Variants in IL32 observed in about 807,000 individuals in gnomAD.
IL32 encodes interleukin 32.
IL32 carries 30 observed loss-of-function variants against 16.6 expected under a neutral mutation model. The observed-to-expected ratio is 1.81, with a 90% CI of 1.35 to 2.45. The LOEUF (loss-of-function observed/expected upper bound fraction) is 2.45, where lower values mean the gene tolerates loss of function less well. IL32 is among the 30% of genes most tolerant of loss of function. The pLI, the probability that IL32 is intolerant of heterozygous loss-of-function variation, is 0.00. For missense variants in IL32, 234 were observed against 229.8 expected (o/e 1.02, Z -0.12); for synonymous variants, 70 against 86.1 (o/e 0.81, Z 1.03).
intron 2 of IL32, 100 bp from the exon 3 acceptor site, chr16:3,067,277 G>GTGTGTGTGTGTGTGTGTC (rs1555442500): frequency 3.5e-6 from 1 of 282,602 alleles, no homozygotes; most frequent in Non-Finnish European, 6.3e-6. Context: ...GTCTCTGTGT[G>GTGTGTGTGTGTGTGTGTC]TGTGTGTGTG....
At chr16:3,067,931 T>G (rs368641673) in intron 4 of IL32, 53 bp from the exon 5 acceptor site, 5 of 1,601,574 alleles carry the variant, frequency 3.1e-6, no homozygotes, top group African/African-American at 1.3e-5. Context: ...GACTGACTGA[T>G]GTGGGGTGCA....
chr16:3,068,369 G>C (rs1202637236), intron 6 of IL32, 130 bp downstream of exon 6: 4 of 838,494 alleles, frequency 4.8e-6, no homozygotes, highest in Non-Finnish European at 7.6e-6. Context: ...GCAGTGGCAT[G>C]ATCTTGGCTC....
In IL32 at chr16:3,067,335, A is replaced by T. The variant is rs75809617; in HGVS notation, c.16-42A>T. On this transcript the variant is annotated intron_variant, in intron 2 of 6. Coordinates refer to ENST00000525643, the MANE Select transcript of IL32 (RefSeq NM_001376923.1). ...TATAAATTATCCTGGAGGAAAGGTT[A>T]AGGTGACACATGGAGACTGAGTGTC... 0.01 allele frequency: 11,824 copies of T among 1,157,678 alleles called. 840 individuals are homozygous for T. In the African/African-American group the frequency reaches 0.16, roughly 16 times the overall value. 71.7% of individuals were successfully genotyped at this position (1,157,678 alleles called of 1,614,324 possible).
chr16:3,068,015 GC>G lies in IL32; in HGVS notation c.141+7del. On this transcript the variant is annotated splice_donor_region_variant and intron_variant, in intron 5 of 6. Coordinates refer to ENST00000525643, the MANE Select transcript of IL32 (RefSeq NM_001376923.1). ...TCGAGCCTGGCAGAGCTGGAGGTGA[GC>G]CGTGGCCTCCCCCTCCACCAAGCTT... is the stretch of plus-strand genomic sequence containing the variant. 1.9e-6 allele frequency: 3 copies of G among 1,614,024 alleles called. No homozygotes were observed. Among genetic ancestry groups the G allele is most frequent in the Non-Finnish European group, 2.5e-6 (3 of 1,179,908 alleles).
intron 6 of IL32, 162 bp downstream of exon 6, chr16:3,068,401 G>C (rs1347132580): frequency 1.5e-6 from 1 of 659,764 alleles, no homozygotes. Flanking sequence ...CAAATCTCGG[G>C]TTTAAGTGAT....
intron 6 of IL32, chr16:3,068,596 C>A (rs1181781014): frequency 2.7e-5 from 11 of 408,236 alleles, no homozygotes; most frequent in Admixed American, 1.5e-4. Context: ...CAGGCATGAG[C>A]CACCGGGCCC....
chr16:3,065,715 G>A (rs1173182479), intron 1 of IL32, 28 bp downstream of exon 1: 2 of 1,433,060 alleles, frequency 1.4e-6, no homozygotes, highest in Admixed American at 1.7e-5. Flanking sequence ...CCGAAGGTGA[G>A]GACCCTCTGG....
chr16:3,067,880 A>C (rs1596256173), intron 4 of IL32, 104 bp from the exon 5 acceptor site: 2 of 1,375,346 alleles, frequency 1.5e-6, no homozygotes, highest in Admixed American at 1.7e-5. Flanking sequence ...GGCTGGGCCC[A>C]GTTCGGGGTG....
rs138083601 is a variant in IL32, at chr16:3,069,190, G to A, written c.402G>A (p.Val134=). The change falls in exon 7 of 7, where the codon GTG becomes GTA. Residue 134 remains valine, a synonymous_variant. Transcript: ENST00000525643. ...HGVLAWVKEK[V]VALVHAVQAL... ...TTCTGGCCTGGGTGAAGGAGAAGGT[G>A]GTGGCCCTGGTCCATGCAGTGCAGG... 2.8e-4 allele frequency: 452 copies of A among 1,613,922 alleles called. No individual in the cohort carries two copies. Among genetic ancestry groups the A allele is most frequent in the Non-Finnish European group, 3.5e-4 (413 of 1,179,976 alleles).
rs746682981 is a variant in IL32 at position 3,067,390 on chromosome 16, A to C, written c.29A>C (p.Asp10Ala). 2.0e-5 allele frequency: 31 copies of C among 1,555,696 alleles called. No individual in the cohort carries two copies. In the South Asian group the frequency reaches 3.2e-4, roughly 16 times the overall value. Residue 10 changes from aspartate to alanine, a missense_variant, in exon 3 of 7, where the codon GAC (aspartate) becomes GCC (alanine). Coordinates refer to ENST00000525643, the MANE Select transcript of IL32 (RefSeq NM_001376923.1). MCFPKVLSD[D>A]MKKLKARMHQ... ...TTATTTCCGCAGGTCCTCTCTGATG[A>C]CATGAAGAAGCTGAAGGCCCGAATG...
At chr16:3,068,790 CT>C in intron 6 of IL32, 199 bp from the exon 7 acceptor site, 5 of 809,810 alleles carry the variant, frequency 6.2e-6, no homozygotes, top group Non-Finnish European at 9.6e-6. Context: ...CACACCCATC[CT>C]GTCACTGCCA....
chr16:3,069,296 C>T lies in IL32; in HGVS notation c.508C>T (p.Arg170Trp), dbSNP rs748058182. The change falls in exon 7 of 7, where the codon CGG becomes TGG. Residue 170 changes from arginine to tryptophan, a missense_variant. Physicochemically the swap from Arg to Trp is moderately radical, Grantham distance 101. Around this residue, in one of 3 missense-constraint regions of IL32, gnomAD observed 53 missense variants for 46.1 expected, o/e 1.15. Transcript: ENST00000525643. ...CTCTTTCCAGTCCTACGGAGCCCCACGGGGGGACAAGGAGGAGCTGACACC... is the reference window on the plus strand; with the variant it reads ...CTCTTTCCAGTCCTACGGAGCCCCATGGGGGGACAAGGAGGAGCTGACACC... ...MSSFQSYGAP[R>W]GDKEELTPQK... The T allele has an allele frequency of 1.1e-5, 17 of 1,564,618 alleles. No homozygotes were observed. The highest frequency in any genetic ancestry group is 3.4e-5 in the South Asian group (3 of 89,334).
At chr16:3,067,761 G>A in intron 4 of IL32, 148 bp downstream of exon 4, 1 of 832,042 alleles carries the variant, frequency 1.2e-6, no homozygotes. Flanking sequence ...CTGGGTGGCA[G>A]TGAGTGGGCG....
chr16:3,067,836 A>C (rs1003397638), intron 4 of IL32, 148 bp from the exon 5 acceptor site: 9 of 984,636 alleles, frequency 9.1e-6, no homozygotes, highest in Non-Finnish European at 1.4e-5. Flanking sequence ...TCCTTGAGGA[A>C]ACAACAGGGG....
Position 3,068,024 on chromosome 16 carries a change from T to TC in IL32, c.141+19dup, listed in dbSNP as rs761971946. The TC allele has an allele frequency of 2.5e-6, 4 of 1,613,120 alleles. No homozygotes were observed. The Admixed American group carries it at 5.0e-5, about 20-fold the overall frequency. ...GCAGAGCTGGAGGTGAGCCGTGGCCTCCCCCTCCACCAAGCTTAGTCCCTG... is the reference window on the plus strand; with the variant it reads ...GCAGAGCTGGAGGTGAGCCGTGGCCTCCCCCCTCCACCAAGCTTAGTCCCTG... On this transcript the variant is annotated intron_variant, in intron 5 of 6. Coordinates refer to ENST00000525643, the MANE Select transcript of IL32 (RefSeq NM_001376923.1).
rs201900317 is a variant in IL32, at chr16:3,067,435, C to G, written c.54+20C>G. The G allele has an allele frequency of 6.8e-4, 1,090 of 1,605,694 alleles. No homozygotes were observed. Among genetic ancestry groups the G allele is most frequent in the Non-Finnish European group, 8.8e-4 (1,036 of 1,175,376 alleles). On this transcript the variant is annotated intron_variant, in intron 3 of 6. Coordinates refer to ENST00000525643, the MANE Select transcript of IL32 (RefSeq NM_001376923.1). ...CGAATGGTAATGCTCCTCCCTACTT[C>G]TGCTCAGGGGTTGGGGGCCTGGGTC...
Position 3,065,706 on chromosome 16 carries a change from C to T in IL32, c.-29+19C>T, listed in dbSNP as rs924134662. 5.2e-5 allele frequency: 70 copies of T among 1,355,814 alleles called. No individual in the cohort carries two copies. Among genetic ancestry groups the T allele is most frequent in the Admixed American group, 2.2e-4 (13 of 59,532 alleles). The allele number at this position is 1,355,814 out of a possible 1,614,324, so 84.0% of individuals were successfully genotyped here. On this transcript the variant is annotated intron_variant, in intron 1 of 6. Coordinates refer to ENST00000525643, the MANE Select transcript of IL32 (RefSeq NM_001376923.1). ...ATCTCAGGTGGGGAGTTGGGGTCCC[C>T]GAAGGTGAGGACCCTCTGGGGAGGA... is the stretch of plus-strand genomic sequence containing the variant.
rs762969307 is a variant in IL32 at position 3,067,996 on chromosome 16, C to A, written c.127C>A (p.Leu43Met). ...TTGTTCCTAACAGGTGATGTCGAGC[C>A]TGGCAGAGCTGGAGGTGAGCCGTGG... ...ESGRGQVMSS[L>M]AELEDDFKEG... The change falls in exon 5 of 7, where the codon CTG (leucine) becomes ATG (methionine). Residue 43 changes from leucine (L) to methionine (M), a missense_variant. Physicochemically the swap from Leu to Met is conservative, Grantham distance 15. Around this residue, in one of 3 missense-constraint regions of IL32, gnomAD observed 137 missense variants for 80.7 expected, o/e 1.70. Transcript: ENST00000525643. 1.2e-6 allele frequency: 2 copies of A among 1,614,160 alleles called. No homozygotes were observed. Among genetic ancestry groups the A allele is most frequent in the African/African-American group, 2.7e-5 (2 of 75,046 alleles).
chr16:3,068,473 T>C (rs77605122), intron 6 of IL32: 10 of 529,814 alleles, frequency 1.9e-5, no homozygotes, highest in Admixed American at 1.3e-4. Flanking sequence ...TCCAGGCTGA[T>C]TTTTTTTGTG....
Sources: gnomAD v4.1 joint callset for allele counts on GRCh38, gnomAD v4.1.1 for gene constraint, gnomAD v4.1.1 regional missense constraint, MANE v1.5 for transcripts, NCBI Gene and HGNC (gene_info 2026-07-23, HGNC 2026-07-21) for gene names.